The following CLRN1 variants were observed in gnomAD, a reference collection of about 807,000 sequenced individuals.
CLRN1 encodes clarin 1.
CLRN1 carries 15 observed loss-of-function variants against 18.7 expected under a neutral mutation model. The observed-to-expected ratio is 0.80, with a 90% CI of 0.54 to 1.23. The LOEUF is 1.23. Ranked by LOEUF, CLRN1 falls within the 50% of genes most tolerant of loss-of-function variation. The pLI, the probability that CLRN1 is intolerant of heterozygous loss-of-function variation, is 0.00. For missense variants in CLRN1, 311 were observed against 277.5 expected (o/e 1.12, Z -0.86); for synonymous variants, 104 against 102.9 (o/e 1.01, Z -0.07).
intron 2 of CLRN1, among the ~76,000 whole-genome samples, chr3:150,938,462 G>A (rs979760702): frequency 6.6e-6 from 1 of 152,090 alleles, no homozygotes; most frequent in African/African-American, 2.4e-5. Context: ...AGTTCCAAGG[G>A]CTTCTGGGTA....
intron 1 of CLRN1, among the ~76,000 whole-genome samples, chr3:150,953,398 C>T (rs1714585190): frequency 6.6e-6 from 1 of 152,180 alleles, no homozygotes; most frequent in South Asian, 2.1e-4. Flanking sequence ...TCGGTCTCCT[C>T]ATACTTAAAC....
downstream of CLRN1, chr3:150,926,246 A>T (rs767770611): frequency 4.0e-4 from 65 of 160,742 alleles, no homozygotes; most frequent in Middle Eastern, 0.017. Flanking sequence ...ACAGAGAACG[A>T]TTGGAGACTT....
chr3:150,948,154 C>A (rs886736347), intron 1 of CLRN1, among the ~76,000 whole-genome samples: 3 of 152,002 alleles, frequency 2.0e-5, no homozygotes, highest in African/African-American at 7.2e-5. Flanking sequence ...ACTAGCTAGC[C>A]TAATAAAGAA....
In CLRN1 at chr3:150,927,467, A is replaced by T; in HGVS notation, c.*469T>A. The T allele has an allele frequency of 2.2e-6, 1 of 452,748 alleles. No homozygotes were observed. The highest frequency in any genetic ancestry group is 4.4e-6 in the Non-Finnish European group (1 of 226,158). 28.0% of individuals were successfully genotyped at this position (452,748 alleles called of 1,614,324 possible). ...CAAATTTTTTAAAATGTGTGTTGAT[A>T]CATTTTATAGATGTTCATTTAATAC... On this transcript the variant is annotated 3_prime_UTR_variant, in exon 3 of 3. Coordinates refer to ENST00000327047, the MANE Select transcript of CLRN1 (RefSeq NM_174878.3).
At chr3:150,943,331 T>G (rs984476766) in intron 1 of CLRN1, among the ~76,000 whole-genome samples, 26 of 152,166 alleles carry the variant, frequency 1.7e-4, no homozygotes, top group African/African-American at 6.3e-4. Flanking sequence ...GAATGTTGCC[T>G]TTTCCAAAAT....
At chr3:150,957,025 G>T (rs1418810771) in intron 1 of CLRN1, among the ~76,000 whole-genome samples, 1 of 152,040 alleles carries the variant, frequency 6.6e-6, no homozygotes, top group African/African-American at 2.4e-5. Flanking sequence ...CCTTCTTTGT[G>T]GTGTATACCC....
At chr3:150,926,380 A>G, downstream of CLRN1, 1 of 261,172 alleles carries the variant, frequency 3.8e-6, no homozygotes, top group Non-Finnish European at 7.6e-6. Context: ...CTCCTCACGC[A>G]GGAGACGGTC....
chr3:150,931,397 T>A (rs1026404201), intron 2 of CLRN1, among the ~76,000 whole-genome samples: 3 of 152,100 alleles, frequency 2.0e-5, no homozygotes, highest in Non-Finnish European at 4.4e-5. Flanking sequence ...TCTGGAGAGG[T>A]TCCTTCCCAC....
chr3:150,938,221 C>A (rs1207427089), intron 2 of CLRN1, among the ~76,000 whole-genome samples: 3 of 152,156 alleles, frequency 2.0e-5, no homozygotes, highest in Non-Finnish European at 4.4e-5. Context: ...GCAAGAGAAA[C>A]AAGGGAAGAG....
chr3:150,928,290 C>T, intron 2 of CLRN1, 89 bp from the exon 3 acceptor site: 2 of 1,479,526 alleles, frequency 1.4e-6, no homozygotes, highest in Non-Finnish European at 1.8e-6. Flanking sequence ...AAGGAATTCT[C>T]TTACCATCAT....
intron 1 of CLRN1, among the ~76,000 whole-genome samples, chr3:150,962,449 C>T (rs143492567): frequency 7.2e-4 from 110 of 151,926 alleles, no homozygotes; most frequent in African/African-American, 2.4e-3. Flanking sequence ...TAAAAATGGA[C>T]GTTTGTTTTT....
At chr3:150,942,833 G>A (rs1048723542) in intron 1 of CLRN1, among the ~76,000 whole-genome samples, 2 of 152,160 alleles carry the variant, frequency 1.3e-5, no homozygotes, top group African/African-American at 2.4e-5. Context: ...CCTGAATATG[G>A]CAGCAGAAGT....
chr3:150,952,434 G>C (rs1429481158), intron 1 of CLRN1, among the ~76,000 whole-genome samples: 1 of 152,152 alleles, frequency 6.6e-6, no homozygotes, highest in African/African-American at 2.4e-5. Context: ...CACATTTAAC[G>C]TAGGCTGAGC....
intron 2 of CLRN1, among the ~76,000 whole-genome samples, chr3:150,941,026 T>C (rs1713789134): frequency 6.6e-6 from 1 of 151,990 alleles, no homozygotes; most frequent in Admixed American, 6.6e-5. Context: ...TAGCACATTA[T>C]TGAACACTAA....
At chr3:150,969,050 T>A (rs1417818174) in intron 1 of CLRN1, among the ~76,000 whole-genome samples, 3 of 151,614 alleles carry the variant, frequency 2.0e-5, no homozygotes, top group Non-Finnish European at 4.4e-5. Flanking sequence ...GAAATGTGGC[T>A]AGACTGAATT....
intron 1 of CLRN1, among the ~76,000 whole-genome samples, chr3:150,961,428 A>G (rs955553351): frequency 6.6e-6 from 1 of 152,226 alleles, no homozygotes; most frequent in Non-Finnish European, 1.5e-5. Flanking sequence ...AGCCAGAGTT[A>G]TGGACCACTG....
At chr3:150,929,910 A>G (rs56740180) in intron 2 of CLRN1, among the ~76,000 whole-genome samples, 8,730 of 152,252 alleles carry the variant, frequency 0.057, 828 homozygotes, top group African/African-American at 0.2. Context: ...GGACAGGTAA[A>G]TGCTTTTTAC....
intron 1 of CLRN1, among the ~76,000 whole-genome samples, chr3:150,957,400 C>G (rs892303408): frequency 6.6e-6 from 1 of 152,102 alleles, no homozygotes; most frequent in Non-Finnish European, 1.5e-5. Flanking sequence ...CTTCAGGGAC[C>G]TCCCTTCCCC....
intron 2 of CLRN1, among the ~76,000 whole-genome samples, chr3:150,941,139 T>TCTATCTATCTAC (rs1443795076): frequency 2.8e-3 from 126 of 45,364 alleles, no homozygotes; most frequent in African/African-American, 0.023. Context: ...TGTCTGTCTG[T>TCTATCTATCTAC]CTATCTATCT....
Sources: gnomAD v4.1 joint callset for allele counts (sites outside exome capture counted in the v4.1 genomes callset) on GRCh38, gnomAD v4.1.1 for gene constraint, MANE v1.5 for transcripts, NCBI Gene and HGNC (gene_info 2026-07-23, HGNC 2026-07-21) for gene names.